Variants in PTPRT observed in about 807,000 individuals in gnomAD.
PTPRT encodes protein tyrosine phosphatase receptor type T.
In PTPRT, 56 loss-of-function variants were observed where a neutral mutation model predicts 176.8. That is an observed-to-expected ratio of 0.32 (90% CI 0.26 to 0.40). The LOEUF (loss-of-function observed/expected upper bound fraction) is 0.40, where lower values mean the gene tolerates loss of function less well. PTPRT is among the 10% of genes least tolerant of loss of function. The pLI is 1.00. For synonymous variants in PTPRT, 783 were observed against 739.0 expected, an observed-to-expected ratio of 1.06 and a Z score of -0.96; for missense variants, 1,540 against 1,908.2, an observed-to-expected ratio of 0.81 and a Z score of 3.60.
At chr20:42,483,322 C>A (rs1425980078) in intron 7 of PTPRT, among the ~76,000 whole-genome samples, 1 of 152,162 alleles carries the variant, frequency 6.6e-6, no homozygotes, top group Non-Finnish European at 1.5e-5. Context: ...TGCCACCACG[C>A]TCGACTAATT....
intron 7 of PTPRT, among the ~76,000 whole-genome samples, chr20:42,647,371 C>T (rs978942464): frequency 3.9e-5 from 6 of 152,112 alleles, no homozygotes; most frequent in African/African-American, 1.4e-4. Context: ...GTAAATAATA[C>T]ATGAATAAAT....
At chr20:43,092,681 G>A (rs111912638) in intron 1 of PTPRT, among the ~76,000 whole-genome samples, 24 of 152,214 alleles carry the variant, frequency 1.6e-4, no homozygotes, top group South Asian at 4.2e-4. Context: ...GAATTTTGAC[G>A]CAAGACACTC....
At chr20:42,557,591 T>C (rs2072882082) in intron 7 of PTPRT, among the ~76,000 whole-genome samples, 1 of 152,180 alleles carries the variant, frequency 6.6e-6, no homozygotes, top group South Asian at 2.1e-4. Flanking sequence ...ATTTTTTTAA[T>C]GTTTCCAGGT....
chr20:42,136,468 G>A (rs1221632527), intron 18 of PTPRT, among the ~76,000 whole-genome samples: 1 of 152,096 alleles, frequency 6.6e-6, no homozygotes. Context: ...GCTGGCTTGG[G>A]CATGATGCAG....
At chr20:42,211,969 A>G (rs1045320528) in intron 15 of PTPRT, among the ~76,000 whole-genome samples, 3 of 149,264 alleles carry the variant, frequency 2.0e-5, no homozygotes, top group Non-Finnish European at 4.5e-5. Context: ...ATGCAGCCAT[A>G]AAAAATGATG....
chr20:42,405,049 G>A, intron 9 of PTPRT, among the ~76,000 whole-genome samples: 1 of 142,502 alleles, frequency 7.0e-6, no homozygotes. Flanking sequence ...AGAACTTGAA[G>A]TCCTATGAAT....
intron 1 of PTPRT, among the ~76,000 whole-genome samples, chr20:43,060,567 T>A (rs896005911): frequency 6.6e-6 from 1 of 152,240 alleles, no homozygotes; most frequent in Non-Finnish European, 1.5e-5. Context: ...AAGTTAATAT[T>A]TTTAATTCGG....
At chr20:42,218,607 C>T (rs1197781802) in intron 15 of PTPRT, among the ~76,000 whole-genome samples, 4 of 152,176 alleles carry the variant, frequency 2.6e-5, no homozygotes, top group African/African-American at 7.2e-5. Context: ...CTTGCACTGA[C>T]CAGCTTCTCC....
chr20:42,716,693 C>T (rs2076228825), intron 6 of PTPRT, among the ~76,000 whole-genome samples: 3 of 152,048 alleles, frequency 2.0e-5, no homozygotes. Context: ...TTCTCCCATT[C>T]CCAAAGGATT....
At chr20:42,358,932 T>G (rs2058394521) in intron 9 of PTPRT, among the ~76,000 whole-genome samples, 2 of 152,152 alleles carry the variant, frequency 1.3e-5, no homozygotes, top group Non-Finnish European at 2.9e-5. Context: ...AATGAACTAC[T>G]CAAGTGTATA....
chr20:43,059,071 G>A (rs1420041452), intron 1 of PTPRT, among the ~76,000 whole-genome samples: 1 of 152,184 alleles, frequency 6.6e-6, no homozygotes, highest in East Asian at 1.9e-4. Context: ...CCTAGCCCTT[G>A]CACTCTGAGC....
intron 9 of PTPRT, among the ~76,000 whole-genome samples, chr20:42,385,671 A>G (rs746174110): frequency 7.2e-5 from 11 of 152,196 alleles, no homozygotes; most frequent in Non-Finnish European, 1.2e-4. Flanking sequence ...ATGGCTGAGG[A>G]GGCCTCACAA....
intron 16 of PTPRT, 131 bp from the exon 17 acceptor site, chr20:42,161,673 A>G: frequency 1.2e-6 from 1 of 831,280 alleles, no homozygotes; most frequent in South Asian, 1.8e-5. Flanking sequence ...GGGAAACTGC[A>G]AAAGGATTGG....
chr20:42,055,403 C>T, the PTPRT span, among the ~76,000 whole-genome samples: 1 of 152,110 alleles, frequency 6.6e-6, no homozygotes, highest in African/African-American at 2.4e-5. Context: ...AGACTCAATT[C>T]GGGTCTAGGT....
At chr20:42,927,423 G>T (rs376502413) in intron 1 of PTPRT, among the ~76,000 whole-genome samples, 2 of 152,268 alleles carry the variant, frequency 1.3e-5, no homozygotes, top group South Asian at 2.1e-4. Flanking sequence ...TTAGACAGGC[G>T]TAGTGGCGCA....
intron 21 of PTPRT, chr20:42,116,031 A>G (rs1336731944): frequency 2.8e-6 from 2 of 721,580 alleles, no homozygotes; most frequent in South Asian, 1.5e-5. Context: ...GAACAAAAGC[A>G]TGATTACCAT....
chr20:42,408,596 C>A (rs2058983055), intron 9 of PTPRT, among the ~76,000 whole-genome samples: 1 of 91,874 alleles, frequency 1.1e-5, no homozygotes, highest in African/African-American at 4.1e-5. Context: ...TGTGTGAAAT[C>A]TATCCTGTGT....
rs944291705 is a variant in PTPRT at position 43,135,399 on chromosome 20, T to C, written c.88+54247A>G. On this transcript the variant is annotated intron_variant, in intron 1 of 30. Coordinates refer to ENST00000373187, the MANE Select transcript of PTPRT (RefSeq NM_007050.6). Reference sequence around the variant, plus strand: ...TGTGGGGAAAAAAAGGAACAGATCATGCAATATGTACGCGGTGACCCCGTT... The same window carrying C: ...TGTGGGGAAAAAAAGGAACAGATCACGCAATATGTACGCGGTGACCCCGTT... Among the ~76,000 whole-genome samples, 7 of 152,304 alleles carry C rather than the reference T, an allele frequency of 4.6e-5. No homozygotes were observed. In the East Asian group the frequency reaches 1.4e-3, roughly 29 times the overall value.
intron 2 of PTPRT, among the ~76,000 whole-genome samples, chr20:42,816,535 C>T (rs926469793): frequency 1.3e-5 from 2 of 152,080 alleles, no homozygotes; most frequent in Non-Finnish European, 1.5e-5. Flanking sequence ...CCCCACATGT[C>T]GAGGAAGGGA....
Sources: allele counts gnomAD v4.1 joint callset (sites outside exome capture counted in the v4.1 genomes callset), GRCh38; gene constraint gnomAD v4.1.1; transcripts MANE v1.5; gene names NCBI Gene and HGNC (gene_info 2026-07-23, HGNC 2026-07-21).